The following EIF4ENIF1 variants were observed in gnomAD, a reference collection of about 807,000 sequenced individuals.
EIF4ENIF1 encodes the protein eukaryotic translation initiation factor 4E nuclear import factor 1.
A neutral mutation model predicts 110.5 loss-of-function variants in EIF4ENIF1; 23 were observed. The observed-to-expected ratio is 0.21, with a 90% CI of 0.15 to 0.29. The LOEUF (loss-of-function observed/expected upper bound fraction) is 0.29, where lower values mean the gene tolerates loss of function less well. Among genes scored for constraint, EIF4ENIF1 ranks in the 10% least tolerant of loss-of-function variants. The probability of loss-of-function intolerance (pLI) is 1.00; values close to 1 mark genes in which losing one functional copy is unlikely to be tolerated. For missense variants in EIF4ENIF1, 1,031 were observed against 1,221.1 expected, an observed-to-expected ratio of 0.84 and a Z score of 2.32; for synonymous variants, 440 against 437.0, an observed-to-expected ratio of 1.01 and a Z score of -0.09.
intron 2 of EIF4ENIF1, among the ~76,000 whole-genome samples, chr22:31,486,811 T>C (rs1175806659): frequency 6.6e-6 from 1 of 151,892 alleles, no homozygotes; most frequent in Non-Finnish European, 1.5e-5. Context: ...CTGGGCGCAG[T>C]GGCTCACGCC....
chr22:31,463,741 C>T lies in EIF4ENIF1; in HGVS notation c.525G>A (p.Lys175=). 1 of 1,613,862 alleles carries T rather than the reference C, an allele frequency of 6.2e-7. No individual in the cohort carries two copies. The highest frequency in any genetic ancestry group is 8.5e-7 in the Non-Finnish European group (1 of 1,179,988). ...TFEKDHRLSD[K]DLRDLRDRDR... is the part of the protein sequence containing the mutation. Reference sequence around the variant, plus strand: ...CTCTGTCTCTCAAGTCCCGCAGGTCCTTATCGCTAAGACGGTGATCCTTCT... The same window carrying T: ...CTCTGTCTCTCAAGTCCCGCAGGTCTTTATCGCTAAGACGGTGATCCTTCT... The change falls in exon 5 of 19, where the codon AAG becomes AAA. Residue 175 remains lysine (K), a synonymous_variant. Transcript: ENST00000330125.
At position 31,463,739 on chromosome 22, in the gene EIF4ENIF1, T is replaced by C; in HGVS notation, c.527A>G (p.Asp176Gly). 6.2e-7 allele frequency: 1 copy of C among 1,612,276 alleles called. No individual in the cohort carries two copies. The highest frequency in any genetic ancestry group is 8.5e-7 in the Non-Finnish European group (1 of 1,179,542). Residue 176 changes from aspartate to glycine, a missense_variant, in exon 5 of 19, where the codon GAC becomes GGC. Coordinates refer to ENST00000330125, the MANE Select transcript of EIF4ENIF1 (RefSeq NM_019843.4). ...GTCTCTGTCTCTCAAGTCCCGCAGG[T>C]CCTTATCGCTAAGACGGTGATCCTT... is the stretch of plus-strand genomic sequence containing the variant. Reference protein sequence around the residue: ...FEKDHRLSDKDLRDLRDRDRE... With the variant: ...FEKDHRLSDKGLRDLRDRDRE...
At chr22:31,450,756 AT>A in intron 10 of EIF4ENIF1, 1 of 257,008 alleles carries the variant, frequency 3.9e-6, no homozygotes, top group Non-Finnish European at 7.7e-6. Flanking sequence ...ATATACACAC[AT>A]ACATATATAC....
chr22:31,457,812 C>T (rs1363253380), intron 7 of EIF4ENIF1, among the ~76,000 whole-genome samples: 14 of 152,042 alleles, frequency 9.2e-5, no homozygotes, highest in African/African-American at 2.7e-4. Context: ...TTAAATAATG[C>T]TGACTTTTAA....
chr22:31,464,726 A>ATATT (rs796108181), intron 4 of EIF4ENIF1, among the ~76,000 whole-genome samples: 604 of 57,200 alleles, frequency 0.011, 76 homozygotes, highest in African/African-American at 0.036. Context: ...ATATATATAT[A>ATATT]AACAGATATA....
At chr22:31,463,650 T>G (rs761395148) in intron 5 of EIF4ENIF1, 31 bp downstream of exon 5, 1 of 1,343,678 alleles carries the variant, frequency 7.4e-7, no homozygotes, top group East Asian at 2.4e-5. Flanking sequence ...CCGTCTCAAT[T>G]TAAAAAAAAA....
At chr22:31,477,166 C>T (rs965009772) in intron 2 of EIF4ENIF1, among the ~76,000 whole-genome samples, 1 of 151,178 alleles carries the variant, frequency 6.6e-6, no homozygotes, top group African/African-American at 2.4e-5. Flanking sequence ...GAGTTCAAGA[C>T]CAGCATGGCC....
Position 31,449,329 on chromosome 22 carries a change from G to C in EIF4ENIF1, c.1768+19C>G, listed in dbSNP as rs749825095. The C allele has an allele frequency of 6.2e-7, 1 of 1,609,314 alleles. No individual in the cohort carries two copies. The highest frequency in any genetic ancestry group is 8.5e-7 in the Non-Finnish European group (1 of 1,177,472). ...CTGGCCATAAATTCATATTTCTTTTGACAAATAAGTATATTTACCAATTGG... is the reference window on the plus strand; with the variant it reads ...CTGGCCATAAATTCATATTTCTTTTCACAAATAAGTATATTTACCAATTGG... On this transcript the variant is annotated intron_variant, in intron 12 of 18. Transcript: ENST00000330125.
chr22:31,462,379 A>G (rs2051023966), intron 6 of EIF4ENIF1, among the ~76,000 whole-genome samples: 1 of 151,772 alleles, frequency 6.6e-6, no homozygotes, highest in Non-Finnish European at 1.5e-5. Flanking sequence ...GCTACTCGGG[A>G]GGCTGAGGCA....
At position 31,441,981 on chromosome 22, in the gene EIF4ENIF1, C is replaced by T. The variant is rs1340563680; in HGVS notation, c.2344G>A (p.Asp782Asn). Residue 782 changes from aspartate to asparagine, a missense_variant, in exon 17 of 19, where the codon GAT (aspartate) becomes AAT (asparagine). Coordinates refer to ENST00000330125, the MANE Select transcript of EIF4ENIF1 (RefSeq NM_019843.4). ...SQANRYTKEQDYRPKATGRKT... is the reference protein window; with the variant it reads ...SQANRYTKEQNYRPKATGRKT... ...CTCCCAGTTGCTTTAGGTCGATAAT[C>T]TTGTTCTTTGGTGTAACGGTTGGCC... 1 of 1,614,154 alleles carries T rather than the reference C, an allele frequency of 6.2e-7. No homozygotes were observed. The highest frequency in any genetic ancestry group is 2.2e-5 in the East Asian group (1 of 44,882).
upstream of EIF4ENIF1, among the ~76,000 whole-genome samples, chr22:31,493,483 A>G (rs1357594041): frequency 6.6e-6 from 1 of 151,858 alleles, no homozygotes; most frequent in Non-Finnish European, 1.5e-5. Flanking sequence ...GTGCCACCAC[A>G]CCTGGCTAAC....
In EIF4ENIF1 at chr22:31,488,580, G is replaced by A. The variant is rs374499088; in HGVS notation, c.96+43C>T. On this transcript the variant is annotated intron_variant, in intron 2 of 18. Coordinates refer to ENST00000330125, the MANE Select transcript of EIF4ENIF1 (RefSeq NM_019843.4). Reference sequence around the variant, plus strand: ...ATAGTTATACAATGTTACTAACTTCGCCACCTAAAAAGAAACACTATTTCA... The same window carrying A: ...ATAGTTATACAATGTTACTAACTTCACCACCTAAAAAGAAACACTATTTCA... The A allele has an allele frequency of 1.9e-5, 31 of 1,612,640 alleles. No individual in the cohort carries two copies. In the African/African-American group the frequency reaches 2.8e-4, roughly 15 times the overall value.
chr22:31,484,125 G>C (rs925595629), intron 2 of EIF4ENIF1, among the ~76,000 whole-genome samples: 4 of 152,136 alleles, frequency 2.6e-5, no homozygotes, highest in African/African-American at 7.2e-5. Context: ...TTAAAGTATA[G>C]TCAGTGGACC....
intron 2 of EIF4ENIF1, among the ~76,000 whole-genome samples, chr22:31,473,063 C>CTT (rs36036794): frequency 2.1e-4 from 28 of 133,184 alleles, no homozygotes; most frequent in East Asian, 6.4e-4. Context: ...TATGAGCGAG[C>CTT]TTTTTTTTTT....
intron 3 of EIF4ENIF1, among the ~76,000 whole-genome samples, chr22:31,471,566 G>A (rs371283425): frequency 6.6e-6 from 1 of 152,120 alleles, no homozygotes; most frequent in African/African-American, 2.4e-5. Context: ...CGCCTGCCTT[G>A]GCCTCCCAAA....
upstream of EIF4ENIF1, among the ~76,000 whole-genome samples, chr22:31,493,069 T>G (rs2052297618): frequency 6.6e-6 from 1 of 152,024 alleles, no homozygotes; most frequent in South Asian, 2.1e-4. Context: ...AGTCTCGCTC[T>G]GTCGTCCAGG....
At chr22:31,481,254 C>G (rs2051804894) in intron 2 of EIF4ENIF1, among the ~76,000 whole-genome samples, 1 of 152,068 alleles carries the variant, frequency 6.6e-6, no homozygotes, top group African/African-American at 2.4e-5. Flanking sequence ...GCTCAACTTC[C>G]CAAGCTCAAG....
At chr22:31,453,602 A>G (rs1007613433) in intron 10 of EIF4ENIF1, among the ~76,000 whole-genome samples, 4 of 152,004 alleles carry the variant, frequency 2.6e-5, no homozygotes, top group Admixed American at 2.0e-4. Flanking sequence ...CAAACTCCTG[A>G]CTTCAGGTGA....
intron 2 of EIF4ENIF1, chr22:31,479,484 A>T (rs148871855): frequency 4.6e-5 from 7 of 152,154 alleles, no homozygotes; most frequent in African/African-American, 1.7e-4. Context: ...CTGCCGAAGC[A>T]AGCATGAAAA....
Sources: allele counts gnomAD v4.1 joint callset (sites outside exome capture counted in the v4.1 genomes callset), GRCh38; gene constraint gnomAD v4.1.1; transcripts MANE v1.5; gene names NCBI Gene and HGNC (gene_info 2026-07-23, HGNC 2026-07-21).